Variants in LRP1B observed in about 807,000 individuals in gnomAD.
LRP1B encodes low-density lipoprotein receptor-related protein 1B.
LRP1B carries 217 observed loss-of-function variants against 556.6 expected under a neutral mutation model. The observed-to-expected ratio is 0.39, with a 90% CI of 0.35 to 0.44. The LOEUF is 0.44. Among genes scored for constraint, LRP1B ranks in the 20% least tolerant of loss-of-function variants. The probability of loss-of-function intolerance (pLI) is 1.00; values close to 1 mark genes in which losing one functional copy is unlikely to be tolerated. For missense variants in LRP1B, 5,053 were observed against 5,620.8 expected (o/e 0.90, Z 3.23); for synonymous variants, 2,047 against 1,865.8 (o/e 1.10, Z -2.50).
chr2:141,012,219 G>A (rs980427712), intron 14 of LRP1B, among the ~76,000 whole-genome samples: 1 of 151,950 alleles, frequency 6.6e-6, no homozygotes, highest in Admixed American at 6.6e-5. Flanking sequence ...TCTGAAGATG[G>A]TAAAAATGTT....
chr2:141,320,467 G>A (rs531253113), intron 3 of LRP1B, among the ~76,000 whole-genome samples: 18 of 152,104 alleles, frequency 1.2e-4, no homozygotes, highest in South Asian at 2.1e-4. Context: ...AAAAGAAAGC[G>A]TGCTGTAAAA....
chr2:141,925,862 T>C (rs2104983771), intron 1 of LRP1B, among the ~76,000 whole-genome samples: 1 of 152,302 alleles, frequency 6.6e-6, no homozygotes, highest in Non-Finnish European at 1.5e-5. Flanking sequence ...CAGCCCTGTA[T>C]TTCTTTGTAG....
rs573126430 is a variant in LRP1B at position 141,307,029 on chromosome 2, T to G, written c.344-52388A>C. ...ACTTCTTTTGTGTTTCAAAATATGG[T>G]CTATCTGGAGAATGTTCCACATGCT... On this transcript the variant is annotated intron_variant, in intron 3 of 90. Coordinates refer to ENST00000389484, the MANE Select transcript of LRP1B (RefSeq NM_018557.3). Among the ~76,000 whole-genome samples, 3 of 152,306 alleles carry G rather than the reference T, an allele frequency of 2.0e-5. No individual in the cohort carries two copies. In the South Asian group the frequency reaches 6.2e-4, roughly 32 times the overall value.
At chr2:140,311,797 GAGAAGTCA>G (rs1410369953) in intron 83 of LRP1B, among the ~76,000 whole-genome samples, 136 of 152,026 alleles carry the variant, frequency 8.9e-4, no homozygotes, top group Non-Finnish European at 1.8e-3. Context: ...TCATTTAAAT[GAGAAGTCA>G]AAGAAAAGCA....
At chr2:141,210,540 A>G (rs1682497304) in intron 6 of LRP1B, among the ~76,000 whole-genome samples, 3 of 152,158 alleles carry the variant, frequency 2.0e-5, no homozygotes, top group Admixed American at 2.0e-4. Flanking sequence ...TGATAAAAAG[A>G]GCATCATACC....
chr2:141,273,745 T>G (rs184294219), intron 3 of LRP1B, among the ~76,000 whole-genome samples: 40 of 152,322 alleles, frequency 2.6e-4, no homozygotes, highest in African/African-American at 9.1e-4. Flanking sequence ...TTAACAAAAG[T>G]ATTTATGCTT....
At chr2:140,696,180 A>G (rs1686423083) in intron 41 of LRP1B, among the ~76,000 whole-genome samples, 1 of 152,112 alleles carries the variant, frequency 6.6e-6, no homozygotes, top group Admixed American at 6.6e-5. Flanking sequence ...ATGGAAACAC[A>G]TTTTACATCT....
intron 7 of LRP1B, among the ~76,000 whole-genome samples, chr2:141,094,825 C>T (rs1487085516): frequency 6.6e-6 from 1 of 152,122 alleles, no homozygotes; most frequent in Non-Finnish European, 1.5e-5. Context: ...TAAAGTTAAG[C>T]TCAGATTCAA....
intron 2 of LRP1B, among the ~76,000 whole-genome samples, chr2:141,688,412 A>G (rs1025926085): frequency 1.3e-5 from 2 of 151,868 alleles, no homozygotes; most frequent in Non-Finnish European, 2.9e-5. Context: ...TATTCATACT[A>G]ATTATTAATA....
At chr2:141,519,709 G>A (rs1000351877) in intron 2 of LRP1B, among the ~76,000 whole-genome samples, 2 of 151,886 alleles carry the variant, frequency 1.3e-5, no homozygotes, top group African/African-American at 4.8e-5. Flanking sequence ...ATATATATGC[G>A]TATATATGTA....
chr2:141,734,093 C>A (rs1693378585), intron 2 of LRP1B, among the ~76,000 whole-genome samples: 1 of 152,056 alleles, frequency 6.6e-6, no homozygotes, highest in South Asian at 2.1e-4. Context: ...GCAATTAGAT[C>A]TTGAAATTAA....
chr2:141,833,572 C>T (rs2105749071), intron 1 of LRP1B, among the ~76,000 whole-genome samples: 1 of 151,868 alleles, frequency 6.6e-6, no homozygotes, highest in East Asian at 1.9e-4. Context: ...TGAAGTCCTG[C>T]CCCAAGTTCA....
At chr2:141,244,228 A>G (rs970337582) in intron 5 of LRP1B, among the ~76,000 whole-genome samples, 3 of 152,146 alleles carry the variant, frequency 2.0e-5, no homozygotes, top group East Asian at 1.9e-4. Flanking sequence ...TTGCAAAATC[A>G]TATTCTTGGT....
chr2:141,859,014 AG>A (rs1698156767), intron 1 of LRP1B, among the ~76,000 whole-genome samples: 2 of 152,146 alleles, frequency 1.3e-5, no homozygotes, highest in South Asian at 4.1e-4. Flanking sequence ...CAGTCATTTA[AG>A]GTTGTCCTCT....
rs747259471 is a variant in LRP1B at position 140,323,939 on chromosome 2, A to G, written c.12468T>C (p.Asp4156=). 3 of 1,588,142 alleles carry G rather than the reference A, an allele frequency of 1.9e-6. No homozygotes were observed. Among genetic ancestry groups the G allele is most frequent in the Non-Finnish European group, 1.7e-6 (2 of 1,157,738 alleles). The change falls in exon 81 of 91, where the codon GAT becomes GAC. Residue 4156 remains aspartate, a synonymous_variant. Transcript: ENST00000389484. The part of the protein sequence containing the change: ...GSVEYLALNI[D]KTKGVLISHR... The stretch of plus-strand genomic sequence containing the variant: ...GAGATATCAAAACACCTTTTGTTTT[A>G]TCAATATTTAAAGCTAAGTACTCTA...
intron 87 of LRP1B, among the ~76,000 whole-genome samples, chr2:140,240,108 C>T (rs1680882599): frequency 6.6e-6 from 1 of 150,802 alleles, no homozygotes; most frequent in Non-Finnish European, 1.5e-5. Context: ...CTTTGAGGCT[C>T]ATGCTCTTCA....
intron 43 of LRP1B, among the ~76,000 whole-genome samples, chr2:140,593,746 A>G (rs1216802780): frequency 6.6e-6 from 1 of 152,170 alleles, no homozygotes; most frequent in Non-Finnish European, 1.5e-5. Flanking sequence ...GTTTGATAGA[A>G]AAAAACTAAT....
chr2:140,408,970 G>A (rs1378884169), intron 66 of LRP1B, among the ~76,000 whole-genome samples: 1 of 151,852 alleles, frequency 6.6e-6, no homozygotes, highest in Non-Finnish European at 1.5e-5. Context: ...CATTAAGCAA[G>A]GCTCTGTTTA....
chr2:140,536,064 G>A (rs563451188), intron 46 of LRP1B, among the ~76,000 whole-genome samples: 17 of 152,032 alleles, frequency 1.1e-4, no homozygotes, highest in African/African-American at 1.4e-4. Context: ...ATGTTTCTGA[G>A]TTACATTTTA....
Sources: allele counts gnomAD v4.1 joint callset (sites outside exome capture counted in the v4.1 genomes callset), GRCh38; gene constraint gnomAD v4.1.1; transcripts MANE v1.5; gene names NCBI Gene and HGNC (gene_info 2026-07-23, HGNC 2026-07-21).